Variants in RHBDD1 observed in about 807,000 individuals in gnomAD.
RHBDD1 encodes rhomboid domain containing 1.
RHBDD1 carries 38 observed loss-of-function variants against 36.3 expected under a neutral mutation model. That is an observed-to-expected ratio of 1.05 (90% CI 0.81 to 1.37). The LOEUF (loss-of-function observed/expected upper bound fraction) is 1.37. RHBDD1 is among the 40% of genes most tolerant of loss of function. The pLI, the probability that RHBDD1 is intolerant of heterozygous loss-of-function variation, is 0.00. For missense variants in RHBDD1, 393 were observed against 377.6 expected (o/e 1.04, Z -0.34); for synonymous variants, 151 against 136.5 (o/e 1.11, Z -0.74).
intron 8 of RHBDD1, among the ~76,000 whole-genome samples, chr2:226,985,041 CAT>C (rs1251022375): frequency 4.6e-5 from 7 of 152,106 alleles, no homozygotes; most frequent in Non-Finnish European, 1.0e-4. Context: ...TTAGGCCTAA[CAT>C]AGATCATTTT....
At chr2:226,951,397 A>AT (rs1235955896) in intron 8 of RHBDD1, among the ~76,000 whole-genome samples, 1 of 152,302 alleles carries the variant, frequency 6.6e-6, no homozygotes, top group East Asian at 1.9e-4. Flanking sequence ...GTTAACTCAT[A>AT]TTTTTTGTTC....
chr2:226,919,580 T>A (rs952135721), intron 8 of RHBDD1, among the ~76,000 whole-genome samples: 13 of 152,108 alleles, frequency 8.5e-5, no homozygotes, highest in African/African-American at 2.9e-4. Flanking sequence ...GAAGAGACTG[T>A]CCTTTCCCCC....
chr2:226,972,881 A>C lies in RHBDD1; in HGVS notation c.857-22550A>C, dbSNP rs897896912. On this transcript the variant is annotated intron_variant, in intron 8 of 8. Transcript: ENST00000392062. The stretch of plus-strand genomic sequence containing the variant: ...TTACCACATGTATTTAGAAGGCCCA[A>C]TCCCTCCATTTATCAACTAAAGTTA... Among the ~76,000 whole-genome samples, 3 of 151,594 alleles carry C rather than the reference A, an allele frequency of 2.0e-5. No homozygotes were observed. The South Asian group carries it at 6.2e-4, about 32-fold the overall frequency.
At chr2:226,973,103 G>A (rs924676280) in intron 8 of RHBDD1, among the ~76,000 whole-genome samples, 1 of 152,140 alleles carries the variant, frequency 6.6e-6, no homozygotes, top group African/African-American at 2.4e-5. Flanking sequence ...TTCCTCCCTG[G>A]ACTTCAGCCT....
the RHBDD1 span, among the ~76,000 whole-genome samples, chr2:226,801,213 C>T: frequency 6.6e-6 from 1 of 152,176 alleles, no homozygotes; most frequent in Non-Finnish European, 1.5e-5. Flanking sequence ...ACCCGGCGGG[C>T]CGCGGGGGAG....
At chr2:226,944,739 A>G (rs1316426254) in intron 8 of RHBDD1, among the ~76,000 whole-genome samples, 1 of 152,198 alleles carries the variant, frequency 6.6e-6, no homozygotes, top group Admixed American at 6.6e-5. Context: ...AAAGATTGAC[A>G]GAATACTTAG....
intron 5 of RHBDD1, among the ~76,000 whole-genome samples, chr2:226,867,944 C>A (rs1944475409): frequency 6.6e-6 from 1 of 152,144 alleles, no homozygotes; most frequent in African/African-American, 2.4e-5. Flanking sequence ...GTCTCGATCT[C>A]TTGACCTTGT....
At chr2:226,806,072 A>ATC in the RHBDD1 span, among the ~76,000 whole-genome samples, 70 of 151,658 alleles carry the variant, frequency 4.6e-4, no homozygotes, top group African/African-American at 1.5e-3. Flanking sequence ...GTTAACGAAC[A>ATC]TCTCTCTCTC....
At chr2:226,837,051 A>G (rs56305123) in intron 1 of RHBDD1, among the ~76,000 whole-genome samples, 5,648 of 152,286 alleles carry the variant, frequency 0.037, 357 homozygotes, top group African/African-American at 0.13. Context: ...CAAGCCTTCC[A>G]GTTGATACCA....
intron 5 of RHBDD1, 75 bp from the exon 6 acceptor site, chr2:226,906,718 T>C: frequency 6.2e-7 from 1 of 1,611,258 alleles, no homozygotes; most frequent in African/African-American, 1.3e-5. Context: ...TGACATGCAC[T>C]GGGCTAATGA....
At position 226,842,651 on chromosome 2, in the gene RHBDD1, G is replaced by A. The variant is rs1050474848; in HGVS notation, c.-91+3024G>A. ...TTTTGTTCCATCTGTCTATGTATCT[G>A]TTCTTGTACCAGTACCATGCTGTTT... On this transcript the variant is annotated intron_variant, in intron 3 of 8. Coordinates refer to ENST00000392062, the MANE Select transcript of RHBDD1 (RefSeq NM_001167608.3). 2.6e-5 allele frequency among the ~76,000 whole-genome samples: 4 copies of A among 152,210 alleles called. No individual in the cohort carries two copies. The East Asian group carries it at 7.7e-4, about 29-fold the overall frequency.
At chr2:226,825,729 T>C in the RHBDD1 span, among the ~76,000 whole-genome samples, 1 of 152,234 alleles carries the variant, frequency 6.6e-6, no homozygotes, top group African/African-American at 2.4e-5. Flanking sequence ...AGACATTTAA[T>C]GTTCAGAAGC....
chr2:226,882,284 G>T (rs201744999), intron 5 of RHBDD1, among the ~76,000 whole-genome samples: 2 of 151,650 alleles, frequency 1.3e-5, no homozygotes, highest in East Asian at 3.9e-4. Context: ...ACAAAAACTA[G>T]CTGGGCTTGG....
chr2:226,981,113 A>G (rs1955625019), intron 8 of RHBDD1, among the ~76,000 whole-genome samples: 1 of 152,166 alleles, frequency 6.6e-6, no homozygotes, highest in Non-Finnish European at 1.5e-5. Flanking sequence ...AAACTATCAC[A>G]AGGACAGAAA....
intron 8 of RHBDD1, among the ~76,000 whole-genome samples, chr2:226,967,917 G>A (rs1209061708): frequency 6.6e-6 from 1 of 152,134 alleles, no homozygotes; most frequent in African/African-American, 2.4e-5. Context: ...TCTGTAACCT[G>A]TTGGTAGGTG....
chr2:226,907,906 T>C (rs1213979178), intron 6 of RHBDD1, among the ~76,000 whole-genome samples: 1 of 152,216 alleles, frequency 6.6e-6, no homozygotes, highest in Non-Finnish European at 1.5e-5. Flanking sequence ...TTAGTACTGA[T>C]AAAAGAGATG....
At chr2:226,815,050 A>G in the RHBDD1 span, among the ~76,000 whole-genome samples, 6 of 152,210 alleles carry the variant, frequency 3.9e-5, no homozygotes, top group African/African-American at 1.4e-4. Flanking sequence ...GCTGCCTGCA[A>G]TCTGGCCACT....
Position 226,914,188 on chromosome 2 carries a change from C to A in RHBDD1, c.713-20C>A, listed in dbSNP as rs567091596. On this transcript the variant is annotated intron_variant, in intron 7 of 8. Coordinates refer to ENST00000392062, the MANE Select transcript of RHBDD1 (RefSeq NM_001167608.3). The stretch of plus-strand genomic sequence containing the variant: ...AACAGTCCATAGCTGTGTTCTAGAA[C>A]CTTTTCCTTGTGCCTTTAGGCAGCT... 1.2e-6 allele frequency: 2 copies of A among 1,612,320 alleles called. No individual in the cohort carries two copies. Among genetic ancestry groups the A allele is most frequent in the Admixed American group, 3.3e-5 (2 of 59,858 alleles).
At chr2:226,849,161 G>C (rs1042542695) in intron 3 of RHBDD1, among the ~76,000 whole-genome samples, 1 of 152,232 alleles carries the variant, frequency 6.6e-6, no homozygotes, top group Non-Finnish European at 1.5e-5. Flanking sequence ...ATCTTACATG[G>C]TGGGAAACTG....
Sources: gnomAD v4.1 joint callset for allele counts (sites outside exome capture counted in the v4.1 genomes callset) on GRCh38, gnomAD v4.1.1 for gene constraint, MANE v1.5 for transcripts, NCBI Gene and HGNC (gene_info 2026-07-23, HGNC 2026-07-21) for gene names.